VCF1: variants seen among roughly 807,000 people sequenced by gnomAD.
VCF1 encodes the protein protein VCF1.
the VCF1 span, among the ~76,000 whole-genome samples, chr17:73,220,187 A>G: frequency 2.6e-5 from 4 of 152,162 alleles, no homozygotes; most frequent in African/African-American, 7.2e-5. Context: ...ATTATTCTAA[A>G]TACTCCTATT....
chr17:73,224,426 C>CA, the VCF1 span, among the ~76,000 whole-genome samples: 1 of 152,012 alleles, frequency 6.6e-6, no homozygotes, highest in Non-Finnish European at 1.5e-5. Context: ...GTCTGGGTGA[C>CA]AAAGCTTATT....
chr17:73,227,736 C>G, the VCF1 span: 1 of 832,388 alleles, frequency 1.2e-6, no homozygotes, highest in Non-Finnish European at 1.4e-6. Flanking sequence ...TGGTCACATT[C>G]ACCTGCTTAT....
chr17:73,227,059 T>A, the VCF1 span: 28 of 869,440 alleles, frequency 3.2e-5, no homozygotes, highest in Non-Finnish European at 4.3e-5. Context: ...TATAATCAAC[T>A]AAGGTCATTT....
the VCF1 span, chr17:73,208,498 T>A: frequency 2.5e-6 from 4 of 1,602,100 alleles, no homozygotes; most frequent in African/African-American, 5.4e-5. Context: ...ACCACATTAT[T>A]TCTTCTAAAG....
the VCF1 span, among the ~76,000 whole-genome samples, chr17:73,227,443 A>G: frequency 6.6e-6 from 1 of 152,250 alleles, no homozygotes; most frequent in Non-Finnish European, 1.5e-5. Context: ...CACTAAGAGC[A>G]AAAATACAAG....
At chr17:73,222,646 G>A in the VCF1 span, among the ~76,000 whole-genome samples, 3 of 151,930 alleles carry the variant, frequency 2.0e-5, no homozygotes, top group Non-Finnish European at 2.9e-5. Context: ...GCGAGCTGGC[G>A]GGTGCCTGTA....
chr17:73,209,909 T>C, the VCF1 span: 1 of 1,329,754 alleles, frequency 7.5e-7, no homozygotes, highest in Non-Finnish European at 1.0e-6. Context: ...GCTTTGGAAT[T>C]GATAAAGTAC....
At chr17:73,211,158 G>GA in the VCF1 span, among the ~76,000 whole-genome samples, 3 of 152,016 alleles carry the variant, frequency 2.0e-5, no homozygotes, top group South Asian at 4.2e-4. Flanking sequence ...CTACACATAA[G>GA]AAAAAAAAGA....
At chr17:73,225,882 A>ATATATATATATATATATATATAT in the VCF1 span, among the ~76,000 whole-genome samples, 4 of 74,686 alleles carry the variant, frequency 5.4e-5, no homozygotes, top group African/African-American at 2.2e-4. Context: ...ATATATATAT[A>ATATATATATATATATATATATAT]ATATATATAT....
chr17:73,232,294 C>T, the VCF1 span: 2 of 1,588,124 alleles, frequency 1.3e-6, no homozygotes, highest in Middle Eastern at 1.7e-4. Flanking sequence ...GCGTCTGCTC[C>T]GCGCCCCCCC....
chr17:73,209,187 A>G, the VCF1 span: 1 of 291,700 alleles, frequency 3.4e-6, no homozygotes, highest in East Asian at 7.0e-5. Flanking sequence ...CCTTTACATA[A>G]AGTAGAGTTT....
chr17:73,221,802 G>A, the VCF1 span, among the ~76,000 whole-genome samples: 5 of 151,906 alleles, frequency 3.3e-5, no homozygotes, highest in Non-Finnish European at 7.4e-5. Flanking sequence ...TTGGGAGGCC[G>A]AGGCGGGCGG....
the VCF1 span, among the ~76,000 whole-genome samples, chr17:73,222,709 G>A: frequency 6.6e-6 from 1 of 151,006 alleles, no homozygotes; most frequent in East Asian, 2.0e-4. Context: ...CCTGGGAGGT[G>A]GAGGTTGCAG....
chr17:73,210,495 TA>T, the VCF1 span, among the ~76,000 whole-genome samples: 35,818 of 140,344 alleles, frequency 0.26, 4,913 homozygotes, highest in Non-Finnish European at 0.31. Context: ...GTTCATGTTT[TA>T]AAAAAAAAAA....
the VCF1 span, among the ~76,000 whole-genome samples, chr17:73,226,231 T>C: frequency 2.0e-5 from 3 of 152,180 alleles, no homozygotes; most frequent in East Asian, 1.9e-4. Context: ...AAAACAGCTA[T>C]AGAAACTCAG....
At chr17:73,219,283 A>G in the VCF1 span, among the ~76,000 whole-genome samples, 1 of 152,062 alleles carries the variant, frequency 6.6e-6, no homozygotes, top group Non-Finnish European at 1.5e-5. Context: ...AAGGACTTAA[A>G]CTGTAAGCAA....
chr17:73,212,764 A>T, the VCF1 span: 1 of 1,547,574 alleles, frequency 6.5e-7, no homozygotes, highest in African/African-American at 1.4e-5. Flanking sequence ...CAAGAACTAC[A>T]ATCAGTTTCT....
chr17:73,211,257 A>ACCTGGCCAACATGGCAAAACCCCAG, the VCF1 span, among the ~76,000 whole-genome samples: 3 of 151,638 alleles, frequency 2.0e-5, no homozygotes, highest in African/African-American at 7.3e-5. Flanking sequence ...GGAGTTCGAG[A>ACCTGGCCAACATGGCAAAACCCCAG]CCTGGCCAAC....
the VCF1 span, among the ~76,000 whole-genome samples, chr17:73,221,419 T>TAA: frequency 6.7e-6 from 1 of 148,880 alleles, no homozygotes; most frequent in East Asian, 1.9e-4. Flanking sequence ...GACTAGACCC[T>TAA]AAAAAAAAAA....
Sources: allele counts gnomAD v4.1 joint callset (sites outside exome capture counted in the v4.1 genomes callset), GRCh38; gene constraint gnomAD v4.1.1; transcripts MANE v1.5; gene names NCBI Gene and HGNC (gene_info 2026-07-23, HGNC 2026-07-21).